Variants in SAMD12 observed in about 807,000 individuals in gnomAD.
The protein encoded by SAMD12 is sterile alpha motif domain containing 12, also known as sterile alpha motif domain-containing protein 12.
SAMD12 carries 9 observed loss-of-function variants against 15.0 expected under a neutral mutation model. The ratio of observed to expected loss-of-function variants is 0.60; its 90% CI spans 0.36 to 1.05. The LOEUF is 1.05. SAMD12 is among the 50% of genes least tolerant of loss of function. The probability of loss-of-function intolerance (pLI) is 0.01; values close to 1 mark genes in which losing one functional copy is unlikely to be tolerated. For missense variants in SAMD12, 230 were observed against 234.2 expected, an observed-to-expected ratio of 0.98 and a Z score of 0.12; for synonymous variants, 86 against 90.1, an observed-to-expected ratio of 0.96 and a Z score of 0.25.
chr8:118,258,729 C>T (rs192515419), intron 4 of SAMD12, among the ~76,000 whole-genome samples: 3 of 152,192 alleles, frequency 2.0e-5, no homozygotes, highest in East Asian at 1.9e-4. Flanking sequence ...TATTATCAGA[C>T]GTTCCATCTG....
intron 4 of SAMD12, among the ~76,000 whole-genome samples, chr8:118,209,199 A>C (rs1236994761): frequency 6.6e-6 from 1 of 152,206 alleles, no homozygotes; most frequent in Non-Finnish European, 1.5e-5. Flanking sequence ...GGGAAATGCA[A>C]ACATTTCTGG....
At chr8:118,336,193 A>G (rs1163779261) in intron 4 of SAMD12, among the ~76,000 whole-genome samples, 1 of 152,208 alleles carries the variant, frequency 6.6e-6, no homozygotes, top group Non-Finnish European at 1.5e-5. Flanking sequence ...GACTAACTCT[A>G]AAACAATACC....
In SAMD12 at chr8:118,378,820, C is replaced by T. The variant is rs193166161; in HGVS notation, c.*597G>A. ...ATATAGTGTAACTTAAGGCTTTCTT[C>T]GAATTCTAGCTTTATTTTGTCACTT... On this transcript the variant is annotated 3_prime_UTR_variant, in exon 4 of 4. Transcript: ENST00000314727. 11 of 985,200 alleles carry T rather than the reference C, an allele frequency of 1.1e-5. No individual in the cohort carries two copies. Among genetic ancestry groups the T allele is most frequent in the East Asian group, 1.1e-4 (1 of 8,814 alleles). 61.0% of individuals were successfully genotyped at this position (985,200 alleles called of 1,614,324 possible).
At chr8:118,562,159 C>T (rs1826719202) in intron 2 of SAMD12, among the ~76,000 whole-genome samples, 1 of 151,996 alleles carries the variant, frequency 6.6e-6, no homozygotes, top group Non-Finnish European at 1.5e-5. Context: ...CTTATGAGTT[C>T]CTGAAGATGA....
intron 4 of SAMD12, among the ~76,000 whole-genome samples, chr8:118,358,655 C>T (rs1469232858): frequency 6.6e-6 from 1 of 152,128 alleles, no homozygotes; most frequent in East Asian, 1.9e-4. Context: ...GTAGTTTTAG[C>T]ACTATCCCCT....
At chr8:118,425,336 A>G (rs1822198130) in intron 3 of SAMD12, among the ~76,000 whole-genome samples, 1 of 152,310 alleles carries the variant, frequency 6.6e-6, no homozygotes, top group African/African-American at 2.4e-5. Flanking sequence ...AAAAACATGC[A>G]AAACCAAAAA....
intron 2 of SAMD12, among the ~76,000 whole-genome samples, chr8:118,554,209 G>T (rs1039506602): frequency 3.3e-5 from 5 of 151,992 alleles, no homozygotes; most frequent in Admixed American, 3.3e-4. Flanking sequence ...CTATAAATCA[G>T]GCTGCTATAA....
the SAMD12 span, among the ~76,000 whole-genome samples, chr8:118,146,886 T>A: frequency 1.2e-4 from 18 of 152,336 alleles, no homozygotes; most frequent in East Asian, 3.3e-3. Context: ...GAGAAAATAA[T>A]CATAAATTTG....
intron 4 of SAMD12, among the ~76,000 whole-genome samples, chr8:118,210,346 T>C (rs1819985544): frequency 6.6e-6 from 1 of 152,186 alleles, no homozygotes; most frequent in South Asian, 2.1e-4. Flanking sequence ...GAAGCCAGGA[T>C]GAAACCTGCT....
At chr8:118,331,892 T>C (rs528733752) in intron 4 of SAMD12, among the ~76,000 whole-genome samples, 13 of 152,308 alleles carry the variant, frequency 8.5e-5, no homozygotes, top group Admixed American at 2.0e-4. Flanking sequence ...AATCAATGGA[T>C]TGTTTGTCCT....
intron 2 of SAMD12, among the ~76,000 whole-genome samples, chr8:118,454,246 A>G (rs193136076): frequency 6.6e-6 from 1 of 152,346 alleles, no homozygotes; most frequent in East Asian, 1.9e-4. Flanking sequence ...TGAAAAAACA[A>G]TCCCTCACAA....
At chr8:118,154,494 A>G in the SAMD12 span, among the ~76,000 whole-genome samples, 3 of 152,214 alleles carry the variant, frequency 2.0e-5, no homozygotes, top group African/African-American at 7.2e-5. Context: ...TCTCACAAAA[A>G]TGTGCATGTA....
At chr8:118,499,912 G>A (rs938595665) in intron 2 of SAMD12, among the ~76,000 whole-genome samples, 1 of 151,928 alleles carries the variant, frequency 6.6e-6, no homozygotes. Context: ...TGGCTTCATG[G>A]TCCTCTATGC....
chr8:118,208,184 G>C (rs902095373), intron 4 of SAMD12, among the ~76,000 whole-genome samples: 3 of 152,160 alleles, frequency 2.0e-5, no homozygotes, highest in African/African-American at 7.2e-5. Context: ...TTGAACTCAG[G>C]AGGCAGAGGT....
At chr8:118,133,020 A>ATG in the SAMD12 span, among the ~76,000 whole-genome samples, 1 of 97,296 alleles carries the variant, frequency 1.0e-5, no homozygotes, top group African/African-American at 4.0e-5. Context: ...ATATATATAT[A>ATG]TATATATCTT....
chr8:118,454,321 T>C (rs1823175932), intron 2 of SAMD12, among the ~76,000 whole-genome samples: 1 of 152,234 alleles, frequency 6.6e-6, no homozygotes, highest in Admixed American at 6.5e-5. Context: ...CAAAGTAGCT[T>C]GATTCTCATT....
At chr8:118,554,803 A>G (rs1563581583) in intron 2 of SAMD12, among the ~76,000 whole-genome samples, 1 of 152,178 alleles carries the variant, frequency 6.6e-6, no homozygotes, top group Non-Finnish European at 1.5e-5. Context: ...AAGTTTCCCA[A>G]AGAAAGAATT....
rs570184749 is a variant in SAMD12, at chr8:118,365,580, C to T, written c.433+13980G>A. On this transcript the variant is annotated intron_variant, in intron 4 of 4. Transcript: ENST00000409003. ...ACTTACACCAGCAGCTCCCTCTATT[C>T]CCAGGCCTTCAGAATTGACTAAATT... is the stretch of plus-strand genomic sequence containing the variant. 1.1e-4 allele frequency among the ~76,000 whole-genome samples: 17 copies of T among 152,180 alleles called. No homozygotes were observed. The East Asian group carries it at 3.1e-3, about 28-fold the overall frequency.
At chr8:118,163,796 AC>A in the SAMD12 span, among the ~76,000 whole-genome samples, 2,175 of 152,244 alleles carry the variant, frequency 0.014, 48 homozygotes, top group African/African-American at 0.05. Flanking sequence ...AATGGAGTGA[AC>A]CCTGGAGGCA....
Sources: gnomAD v4.1 joint callset for allele counts (sites outside exome capture counted in the v4.1 genomes callset) on GRCh38, gnomAD v4.1.1 for gene constraint, MANE v1.5 for transcripts, NCBI Gene and HGNC (gene_info 2026-07-23, HGNC 2026-07-21) for gene names.